CCDC149: variants seen among roughly 807,000 people sequenced by gnomAD.
The protein encoded by CCDC149 is coiled-coil domain containing 149, also known as coiled-coil domain-containing protein 149.
In CCDC149, 45 loss-of-function variants were observed where a neutral mutation model predicts 59.9. The ratio of observed to expected loss-of-function variants is 0.75; its 90% confidence interval spans 0.59 to 0.96. The LOEUF (loss-of-function observed/expected upper bound fraction) is 0.96. Among genes scored for constraint, CCDC149 ranks in the 40% least tolerant of loss-of-function variants. CCDC149 has a pLI of 0.00. For missense variants in CCDC149, 584 were observed against 664.7 expected (o/e 0.88, Z 1.33); for synonymous variants, 245 against 260.6 (o/e 0.94, Z 0.58).
chr4:24,838,711 G>C (rs1450973387), intron 4 of CCDC149, among the ~76,000 whole-genome samples: 1 of 150,032 alleles, frequency 6.7e-6, no homozygotes, highest in East Asian at 2.0e-4. Flanking sequence ...TCTGGGCTAA[G>C]AATAATCCCA....
intron 8 of CCDC149, among the ~76,000 whole-genome samples, chr4:24,832,760 C>G (rs1045807581): frequency 6.6e-6 from 1 of 152,212 alleles, no homozygotes; most frequent in Non-Finnish European, 1.5e-5. Context: ...ATCCCAAATT[C>G]CATACTTCTG....
rs144305412 is a variant in CCDC149, at chr4:24,837,271, C to T, written c.619G>A (p.Glu207Lys). The T allele has an allele frequency of 1.5e-3, 2,483 of 1,614,216 alleles. 66 individuals carry two copies. In the Admixed American group the frequency reaches 0.039, roughly 25 times the overall value. Residue 207 changes from glutamate (E) to lysine (K), a missense_variant, in exon 6 of 13, where the codon GAG becomes AAG. Glu to Lys is a moderately conservative substitution (Grantham distance 56). Coordinates refer to ENST00000635206, the MANE Select transcript of CCDC149 (RefSeq NM_001330643.2). This position sits in a 1 kb window ranked among gnomAD's most constrained non-coding sequence, Gnocchi z 4.3. The stretch of plus-strand genomic sequence containing the variant: ...GCGTCCACGTCAATGATGCGGTTCT[C>T]GTGCCCACTCAGGATATGGTTCAGC...
intron 1 of CCDC149, among the ~76,000 whole-genome samples, chr4:24,888,253 C>T (rs1268884108): frequency 2.0e-5 from 3 of 152,134 alleles, no homozygotes; most frequent in African/African-American, 7.2e-5. Context: ...TTTCAGTTCC[C>T]ACCAAGCTGA....
At chr4:24,973,689 C>A (rs900475260) in intron 1 of CCDC149, among the ~76,000 whole-genome samples, 1 of 152,244 alleles carries the variant, frequency 6.6e-6, no homozygotes, top group Non-Finnish European at 1.5e-5. Flanking sequence ...ACAGCAGTCT[C>A]TGGAATTTTT....
At chr4:24,975,721 A>G (rs1724158754) in intron 1 of CCDC149, among the ~76,000 whole-genome samples, 1 of 152,030 alleles carries the variant, frequency 6.6e-6, no homozygotes, top group South Asian at 2.1e-4. Flanking sequence ...ATGAAAGTAA[A>G]CACAGTGTCA....
chr4:24,891,184 T>C (rs938263137), intron 1 of CCDC149, among the ~76,000 whole-genome samples: 2 of 152,252 alleles, frequency 1.3e-5, no homozygotes, highest in Non-Finnish European at 1.5e-5. Flanking sequence ...GAACTGTCAG[T>C]TTAGAACTCA....
intron 1 of CCDC149, among the ~76,000 whole-genome samples, chr4:24,954,441 C>T (rs1309842889): frequency 6.6e-6 from 1 of 152,220 alleles, no homozygotes; most frequent in Non-Finnish European, 1.5e-5. Flanking sequence ...GGCTCTGAGA[C>T]TATCCAAGAT....
At chr4:24,919,006 A>C (rs904543147) in intron 1 of CCDC149, among the ~76,000 whole-genome samples, 1 of 152,250 alleles carries the variant, frequency 6.6e-6, no homozygotes, top group Non-Finnish European at 1.5e-5. Context: ...GTTTGCCAAC[A>C]TATCATGTCC....
chr4:24,805,600 T>A (rs953476131), downstream of CCDC149, among the ~76,000 whole-genome samples: 9 of 152,170 alleles, frequency 5.9e-5, no homozygotes, highest in African/African-American at 2.2e-4. Flanking sequence ...TAAGGGTGAA[T>A]CTTGGTGAAC....
At position 24,822,569 on chromosome 4, in the gene CCDC149, G is replaced by T. The variant is rs934345013; in HGVS notation, c.970C>A (p.Leu324Ile). ...TCCAGCTCAGCCACCCGATTCCCTA[G>T]GATTCTGAAAAAAGGGGAGAAAATG... is the stretch of plus-strand genomic sequence containing the variant. Residue 324 changes from leucine to isoleucine, a missense_variant, in exon 10 of 13, where the codon CTA (leucine) becomes ATA (isoleucine). Coordinates refer to ENST00000635206, the MANE Select transcript of CCDC149 (RefSeq NM_001330643.2). 3 of 1,531,992 alleles carry T rather than the reference G, an allele frequency of 2.0e-6. No homozygotes were observed. In the African/African-American group the frequency reaches 4.2e-5, roughly 21 times the overall value. 94.9% of individuals were successfully genotyped at this position (1,531,992 alleles called of 1,614,324 possible).
chr4:24,909,697 A>G (rs1721759242), intron 1 of CCDC149, among the ~76,000 whole-genome samples: 1 of 152,168 alleles, frequency 6.6e-6, no homozygotes, highest in Admixed American at 6.5e-5. Context: ...AGTTTCCTCC[A>G]TAATGTTCTC....
intron 4 of CCDC149, among the ~76,000 whole-genome samples, chr4:24,846,934 A>G (rs1030468559): frequency 1.3e-5 from 2 of 152,244 alleles, no homozygotes; most frequent in African/African-American, 2.4e-5. Flanking sequence ...ACCAACTGCC[A>G]TCTGTCCCAG....
intron 1 of CCDC149, among the ~76,000 whole-genome samples, chr4:24,929,816 A>G (rs1362929599): frequency 6.6e-6 from 1 of 152,076 alleles, no homozygotes; most frequent in Non-Finnish European, 1.5e-5. Flanking sequence ...TCTGCTTTAT[A>G]TTTTATTGCT....
intron 3 of CCDC149, among the ~76,000 whole-genome samples, chr4:24,860,126 G>A (rs184998054): frequency 4.6e-5 from 7 of 151,980 alleles, no homozygotes; most frequent in East Asian, 1.9e-4. Context: ...AAAAGAGCCC[G>A]CATAGCCAAA....
intron 1 of CCDC149, among the ~76,000 whole-genome samples, chr4:24,957,734 A>C (rs1296677912): frequency 6.6e-6 from 1 of 152,248 alleles, no homozygotes; most frequent in African/African-American, 2.4e-5. Flanking sequence ...CTGCATTTGC[A>C]AGAATGGCAG....
At chr4:24,836,374 A>G in intron 7 of CCDC149, 62 bp downstream of exon 7, 1 of 1,135,158 alleles carries the variant, frequency 8.8e-7, no homozygotes, top group Non-Finnish European at 1.3e-6. Context: ...AGGGAATTAA[A>G]ATAGAATGAC....
rs1483441918 is a variant in CCDC149 at position 24,912,792 on chromosome 4, C to CAG, written c.63+24_63+25insCT. 5.2e-5 allele frequency: 68 copies of CAG among 1,303,492 alleles called. No homozygotes were observed. The African/African-American group carries it at 1.0e-3, about 20-fold the overall frequency. The allele number at this position is 1,303,492 out of a possible 1,614,324, so 80.7% of individuals were successfully genotyped here. A position where few individuals can be genotyped will look rare whatever the true frequency, so the allele number is the denominator to read the frequency against. On this transcript the variant is annotated intron_variant, in intron 1 of 12. Transcript: ENST00000635206. ...GGCGGCCGCTCGGCCCGGCCCATCCCGCCTGGCCGGCGCCGCGGCCTCACC... is the reference window on the plus strand; with the variant it reads ...GGCGGCCGCTCGGCCCGGCCCATCCCAGGCCTGGCCGGCGCCGCGGCCTCACC...
intron 1 of CCDC149, among the ~76,000 whole-genome samples, chr4:24,964,803 C>T (rs188832725): frequency 7.9e-5 from 12 of 152,166 alleles, no homozygotes; most frequent in African/African-American, 2.9e-4. Context: ...TTCTGAAAGC[C>T]AAAGACAAAT....
chr4:24,917,509 GA>G (rs1722164257), upstream of CCDC149, among the ~76,000 whole-genome samples: 1 of 152,176 alleles, frequency 6.6e-6, no homozygotes, highest in Non-Finnish European at 1.5e-5. Context: ...TTGGCTGTTG[GA>G]GGGGTTCCCA....
Sources: allele counts gnomAD v4.1 joint callset (sites outside exome capture counted in the v4.1 genomes callset), GRCh38; gene constraint gnomAD v4.1.1; non-coding constraint Gnocchi (gnomAD v3.1); transcripts MANE v1.5; gene names NCBI Gene and HGNC (gene_info 2026-07-23, HGNC 2026-07-21).